MTA3: variants seen among roughly 807,000 people sequenced by gnomAD.
MTA3 encodes the protein metastasis associated 1 family member 3, also known as metastasis-associated protein MTA3.
In MTA3, 34 loss-of-function variants were observed where a neutral mutation model predicts 83.5. That is an observed-to-expected ratio of 0.41 (90% CI 0.31 to 0.54). The LOEUF (loss-of-function observed/expected upper bound fraction) is 0.54. MTA3 is among the 20% of genes least tolerant of loss of function. MTA3 has a pLI of 0.33. For synonymous variants in MTA3, 303 were observed against 252.7 expected, an observed-to-expected ratio of 1.20 and a Z score of -1.89; for missense variants, 761 against 726.4, an observed-to-expected ratio of 1.05 and a Z score of -0.55.
At chr2:42,666,361 T>C (rs930550530) in intron 8 of MTA3, among the ~76,000 whole-genome samples, 3 of 152,214 alleles carry the variant, frequency 2.0e-5, no homozygotes, top group Non-Finnish European at 4.4e-5. Flanking sequence ...TTTAATTGCA[T>C]GTAGGGTTAA....
rs35633597 is a variant in MTA3, at chr2:42,664,466, C to CTTTTTTTTTTTTTTTT, written c.702+4617_702+4632dup. 2.8e-4 allele frequency among the ~76,000 whole-genome samples: 24 copies of CTTTTTTTTTTTTTTTT among 85,758 alleles called. 10 individuals carry two copies. Among genetic ancestry groups the CTTTTTTTTTTTTTTTT allele is most frequent in the African/African-American group, 1.0e-3 (21 of 21,052 alleles). 56.3% of individuals were successfully genotyped at this position (85,758 alleles called of 152,430 possible). Reference sequence around the variant, plus strand: ...CCTACTACCCCCTCACCCCGCTTACCTTTTTTTTTTTTTTTTTTTTTTTTT... The same window carrying CTTTTTTTTTTTTTTTT: ...CCTACTACCCCCTCACCCCGCTTACCTTTTTTTTTTTTTTTTTTTTTTTTTTTTTTTTTTTTTTTTT... On this transcript the variant is annotated intron_variant, in intron 8 of 16. Coordinates refer to ENST00000405094, the MANE Select transcript of MTA3 (RefSeq NM_001330442.2).
intron 15 of MTA3, among the ~76,000 whole-genome samples, chr2:42,720,523 A>G (rs1281879369): frequency 6.6e-6 from 1 of 151,444 alleles, no homozygotes; most frequent in Non-Finnish European, 1.5e-5. Context: ...TTGTTTTGAT[A>G]TCCCCTGAAA....
chr2:42,747,254 C>T (rs565861308), intron 16 of MTA3, among the ~76,000 whole-genome samples: 2 of 152,232 alleles, frequency 1.3e-5, no homozygotes, highest in South Asian at 4.2e-4. Flanking sequence ...CCCACCTCAG[C>T]CCCCGAAAGT....
chr2:42,555,087 A>G (rs1054524152), intron 2 of MTA3, among the ~76,000 whole-genome samples: 4 of 151,740 alleles, frequency 2.6e-5, no homozygotes. Context: ...CAGGAGGAGG[A>G]GGTTGCAGTG....
At chr2:42,687,156 CA>C (rs2104449202) in intron 9 of MTA3, among the ~76,000 whole-genome samples, 1 of 152,128 alleles carries the variant, frequency 6.6e-6, no homozygotes, top group East Asian at 1.9e-4. Flanking sequence ...TCACCACAAT[CA>C]AGACACAGTA....
At chr2:42,681,262 G>C (rs1185698145) in intron 8 of MTA3, among the ~76,000 whole-genome samples, 1 of 152,122 alleles carries the variant, frequency 6.6e-6, no homozygotes, top group Non-Finnish European at 1.5e-5. Flanking sequence ...TCTCAACCAA[G>C]TTACCATATT....
intron 2 of MTA3, among the ~76,000 whole-genome samples, chr2:42,534,399 C>G (rs1209854241): frequency 6.6e-6 from 1 of 152,152 alleles, no homozygotes; most frequent in Non-Finnish European, 1.5e-5. Flanking sequence ...AGTTCAAGAC[C>G]AGCCTGGCCA....
chr2:42,659,686 T>C lies in MTA3; in HGVS notation c.603-77T>C, dbSNP rs542912518. ...TACAGTTTTTTATTTACTATCCAAA[T>C]GTGTTTTTTAAAACGTTAAAAAAAC... On this transcript the variant is annotated intron_variant, in intron 7 of 16. Coordinates refer to ENST00000405094, the MANE Select transcript of MTA3 (RefSeq NM_001330442.2). The C allele has an allele frequency of 4.8e-4, 533 of 1,111,718 alleles. 9 individuals are homozygous for C. The South Asian group carries it at 7.7e-3, about 16-fold the overall frequency. 68.9% of individuals were successfully genotyped at this position (1,111,718 alleles called of 1,614,324 possible). A position where few individuals can be genotyped will look rare whatever the true frequency, so the allele number is the denominator to read the frequency against.
At chr2:42,495,923 G>A (rs571928609) in intron 2 of MTA3, among the ~76,000 whole-genome samples, 15 of 152,312 alleles carry the variant, frequency 9.8e-5, no homozygotes, top group East Asian at 5.8e-4. Context: ...TGGATTTGTT[G>A]TAGGACGTGA....
intron 14 of MTA3, among the ~76,000 whole-genome samples, chr2:42,714,592 T>G (rs1666892248): frequency 6.6e-6 from 1 of 152,160 alleles, no homozygotes; most frequent in Non-Finnish European, 1.5e-5. Context: ...ACCATGAGTT[T>G]CAACAAAAGT....
At position 42,594,645 on chromosome 2, in the gene MTA3, TATATATAAATATATATATACACAC is replaced by T. The variant is rs1159245562; in HGVS notation, c.191-14799_191-14776del. Among the ~76,000 whole-genome samples, 193 of 57,476 alleles carry T rather than the reference TATATATAAATATATATATACACAC, an allele frequency of 3.4e-3. 3 individuals carry two copies. The highest frequency in any genetic ancestry group is 0.016 in the African/African-American group (180 of 11,210). The allele number at this position is 57,476 out of a possible 152,430, so 37.7% of individuals were successfully genotyped here. The stretch of plus-strand genomic sequence containing the variant: ...CTGAAGTGGAACATCTTTTTATATA[TATATATAAATATATATATACACAC>T]ATATATAAATATACATATATACATA... On this transcript the variant is annotated intron_variant, in intron 3 of 16. Transcript: ENST00000405094.
intron 11 of MTA3, 117 bp from the exon 12 acceptor site, chr2:42,704,077 A>T (rs2304658): frequency 8.6e-7 from 1 of 1,164,358 alleles, no homozygotes; most frequent in South Asian, 1.6e-5. Context: ...TCTTCTTCAC[A>T]CATTTTAAAA....
intron 4 of MTA3, among the ~76,000 whole-genome samples, chr2:42,626,184 C>A (rs1289477653): frequency 2.0e-5 from 3 of 151,242 alleles, no homozygotes; most frequent in Admixed American, 6.6e-5. Flanking sequence ...ACCTCGTGAT[C>A]TGCCCGCCTC....
rs554951180 is a variant in MTA3 at position 42,688,766 on chromosome 2, A to C, written c.891+6177A>C. Among the ~76,000 whole-genome samples the C allele has an allele frequency of 6.6e-5, 10 of 151,958 alleles. No individual in the cohort carries two copies. In the East Asian group the frequency reaches 1.9e-3, roughly 29 times the overall value. On this transcript the variant is annotated intron_variant, in intron 9 of 16. Transcript: ENST00000405094. ...AGACAGTCATGCTGTCTGCACATAA[A>C]GGGCAGTTTTTGTTTTTATTTCCCA...
chr2:42,737,678 C>G (rs1355210991), intron 16 of MTA3, among the ~76,000 whole-genome samples: 2 of 152,062 alleles, frequency 1.3e-5, no homozygotes, highest in African/African-American at 4.8e-5. Context: ...TTTCCAAATA[C>G]TTTATGAGGT....
At chr2:42,564,840 G>A (rs888716369), upstream of MTA3, among the ~76,000 whole-genome samples, 4 of 152,100 alleles carry the variant, frequency 2.6e-5, no homozygotes, top group South Asian at 4.2e-4. Flanking sequence ...ACAGTGGTGT[G>A]ATCTTGGCTC....
chr2:42,640,067 C>T (rs1043446320), intron 4 of MTA3, 106 bp from the exon 5 acceptor site: 3 of 748,360 alleles, frequency 4.0e-6, no homozygotes, highest in African/African-American at 1.8e-5. Context: ...TCCTAACTGC[C>T]ATGTAGTTTC....
intron 3 of MTA3, among the ~76,000 whole-genome samples, chr2:42,591,123 C>T (rs971978572): frequency 2.0e-5 from 3 of 151,950 alleles, no homozygotes; most frequent in African/African-American, 7.3e-5. Context: ...ATGGTATAGC[C>T]TATTACACAC....
At chr2:42,596,747 G>A (rs1681833018) in intron 3 of MTA3, among the ~76,000 whole-genome samples, 1 of 152,050 alleles carries the variant, frequency 6.6e-6, no homozygotes, top group Non-Finnish European at 1.5e-5. Context: ...TTCTGTCATT[G>A]TGTGGCTTAA....
Sources: allele counts gnomAD v4.1 joint callset (sites outside exome capture counted in the v4.1 genomes callset), GRCh38; gene constraint gnomAD v4.1.1; transcripts MANE v1.5; gene names NCBI Gene and HGNC (gene_info 2026-07-23, HGNC 2026-07-21).